VWA8: variants seen among roughly 807,000 people sequenced by gnomAD.
VWA8 encodes von Willebrand factor A domain-containing protein 8.
Under a neutral mutation model 241.5 loss-of-function variants are expected in VWA8, and 221 were observed. The observed-to-expected ratio is 0.91, with a 90% CI of 0.82 to 1.02. The LOEUF (loss-of-function observed/expected upper bound fraction) is 1.02, where lower values mean the gene tolerates loss of function less well. VWA8 is among the 50% of genes least tolerant of loss of function. The pLI is 0.00. For synonymous variants in VWA8, 852 were observed against 827.1 expected (o/e 1.03, Z -0.52); for missense variants, 2,322 against 2,328.7 (o/e 1.00, Z 0.06).
intron 28 of VWA8, among the ~76,000 whole-genome samples, chr13:41,699,834 C>A (rs1246779729): frequency 6.6e-6 from 1 of 152,038 alleles, no homozygotes; most frequent in Non-Finnish European, 1.5e-5. Context: ...ATCTGGGTAC[C>A]TAAGTCCATT....
intron 14 of VWA8, among the ~76,000 whole-genome samples, chr13:41,822,988 G>A (rs1195681101): frequency 1.3e-5 from 2 of 152,080 alleles, no homozygotes; most frequent in Admixed American, 6.6e-5. Flanking sequence ...AAGGCAAAGG[G>A]TTTCAAATGG....
In VWA8 at chr13:41,587,642, C is replaced by T. The variant is rs773624362; in HGVS notation, c.5141G>A (p.Arg1714His). Residue 1714 changes from arginine to histidine, a missense_variant, in exon 42 of 45, where the codon CGT becomes CAT. Physicochemically the swap from Arg to His is conservative, Grantham distance 29. Coordinates refer to ENST00000379310, the MANE Select transcript of VWA8 (RefSeq NM_015058.2). Reference sequence around the variant, plus strand: ...AGACACATCTACCACCAGGCGCAGACGCTTGGGTTTCTGTTGTGGGCTGCC... The same window carrying T: ...AGACACATCTACCACCAGGCGCAGATGCTTGGGTTTCTGTTGTGGGCTGCC... ...QLGSPQQKPK[R>H]LRLVVDVSGS... The T allele has an allele frequency of 8.2e-5, 132 of 1,614,038 alleles. No individual in the cohort carries two copies. The highest frequency in any genetic ancestry group is 8.0e-4 in the Admixed American group (48 of 60,008).
intron 22 of VWA8, among the ~76,000 whole-genome samples, chr13:41,731,055 AAAAT>A (rs1408735524): frequency 2.0e-5 from 3 of 150,984 alleles, no homozygotes; most frequent in Non-Finnish European, 4.4e-5. Context: ...AAAATAAAAT[AAAAT>A]AAATAAATTT....
intron 42 of VWA8, among the ~76,000 whole-genome samples, chr13:41,580,447 C>T (rs1414664206): frequency 3.3e-5 from 5 of 152,208 alleles, no homozygotes; most frequent in Non-Finnish European, 7.3e-5. Flanking sequence ...ACTGAATTAA[C>T]TTCTTGATAG....
At chr13:41,604,876 T>C (rs745830243) in intron 40 of VWA8, among the ~76,000 whole-genome samples, 3 of 152,062 alleles carry the variant, frequency 2.0e-5, no homozygotes, top group African/African-American at 7.2e-5. Flanking sequence ...TCAGGAGGAG[T>C]AGCAGTACCA....
Position 41,570,700 on chromosome 13 carries a change from G to C in VWA8, c.5377C>G (p.His1793Asp). ...CTCATGCAGAACTGAGAGTGGGCAT[G>C]CATTGTCTGGAGGTAAAAGAAGTTG... ...KQRLEILKTM[H>D]AHSQFCMSGD... The change falls in exon 44 of 45, where the codon CAT (histidine) becomes GAT (aspartate). Residue 1793 changes from histidine (H) to aspartate (D), a missense_variant. Physicochemically the swap from His to Asp is moderately conservative, Grantham distance 81 (BLOSUM62 -1). Coordinates refer to ENST00000379310, the MANE Select transcript of VWA8 (RefSeq NM_015058.2). 1 of 1,612,282 alleles carries C rather than the reference G, an allele frequency of 6.2e-7. No homozygotes were observed. Among genetic ancestry groups the C allele is most frequent in the Non-Finnish European group, 8.5e-7 (1 of 1,178,302 alleles).
chr13:41,924,056 C>T (rs958741757), intron 2 of VWA8, among the ~76,000 whole-genome samples: 8 of 151,702 alleles, frequency 5.3e-5, no homozygotes, highest in African/African-American at 1.9e-4. Flanking sequence ...AGTAACTGAC[C>T]CCAAAGAAAT....
chr13:41,804,416 A>G (rs1375309013), intron 17 of VWA8, among the ~76,000 whole-genome samples: 1 of 152,190 alleles, frequency 6.6e-6, no homozygotes, highest in Non-Finnish European at 1.5e-5. Context: ...CAGCAAAAAT[A>G]TCCTTCAAAC....
intron 37 of VWA8, among the ~76,000 whole-genome samples, chr13:41,657,492 T>G (rs933804226): frequency 6.6e-6 from 1 of 151,462 alleles, no homozygotes; most frequent in African/African-American, 2.4e-5. Flanking sequence ...CTTTTTTTTT[T>G]TTTTTTTTGA....
intron 20 of VWA8, among the ~76,000 whole-genome samples, chr13:41,765,524 T>C (rs952670962): frequency 6.6e-6 from 1 of 152,238 alleles, no homozygotes; most frequent in Non-Finnish European, 1.5e-5. Flanking sequence ...ACAGTTATAA[T>C]GACTTGTTCC....
chr13:41,798,488 G>GA (rs1454279890), intron 17 of VWA8, among the ~76,000 whole-genome samples: 1 of 152,144 alleles, frequency 6.6e-6, no homozygotes, highest in Non-Finnish European at 1.5e-5. Context: ...TCCAATCCTG[G>GA]AATCTACTAT....
chr13:41,902,468 C>T (rs1210637059), intron 4 of VWA8, among the ~76,000 whole-genome samples: 2 of 152,026 alleles, frequency 1.3e-5, no homozygotes, highest in African/African-American at 4.8e-5. Flanking sequence ...ATTATGCTAC[C>T]CTTCTTTACT....
intron 2 of VWA8, among the ~76,000 whole-genome samples, chr13:41,942,139 G>A (rs1877629750): frequency 6.6e-6 from 1 of 152,106 alleles, no homozygotes; most frequent in African/African-American, 2.4e-5. Flanking sequence ...CTCCAGACAA[G>A]TGTAACAACT....
chr13:41,879,656 C>T (rs967211501), intron 9 of VWA8, among the ~76,000 whole-genome samples: 5 of 150,508 alleles, frequency 3.3e-5, no homozygotes, highest in Non-Finnish European at 7.4e-5. Context: ...GGTTCTTTGG[C>T]TAACTGCTCT....
At chr13:41,793,948 G>A (rs892793047) in intron 17 of VWA8, among the ~76,000 whole-genome samples, 1 of 152,226 alleles carries the variant, frequency 6.6e-6, no homozygotes, top group South Asian at 2.1e-4. Context: ...GGTGGTTGTA[G>A]ATGTGTGATC....
At chr13:41,887,568 A>C (rs537715677) in intron 5 of VWA8, among the ~76,000 whole-genome samples, 1 of 152,308 alleles carries the variant, frequency 6.6e-6, no homozygotes, top group South Asian at 2.1e-4. Flanking sequence ...GGGGTGTTTG[A>C]AAGGAAAAGC....
chr13:41,597,963 C>A (rs1384142823), intron 40 of VWA8, among the ~76,000 whole-genome samples: 1 of 152,038 alleles, frequency 6.6e-6, no homozygotes, highest in Non-Finnish European at 1.5e-5. Context: ...TTAGTCCTGT[C>A]CTCATTTTCT....
At chr13:41,841,220 C>T (rs1304338003) in intron 12 of VWA8, among the ~76,000 whole-genome samples, 4 of 152,128 alleles carry the variant, frequency 2.6e-5, no homozygotes, top group Admixed American at 6.5e-5. Flanking sequence ...GAATAGATTG[C>T]AGTTAATATA....
chr13:41,612,793 G>A (rs1187945749), intron 38 of VWA8, among the ~76,000 whole-genome samples: 1 of 152,128 alleles, frequency 6.6e-6, no homozygotes, highest in Non-Finnish European at 1.5e-5. Context: ...TTATGATATA[G>A]TTAAACCAGA....
Sources: gnomAD v4.1 joint callset for allele counts (sites outside exome capture counted in the v4.1 genomes callset) on GRCh38, gnomAD v4.1.1 for gene constraint, MANE v1.5 for transcripts, NCBI Gene and HGNC (gene_info 2026-07-23, HGNC 2026-07-21) for gene names.